Variants in TTC24 observed in about 807,000 individuals in gnomAD.
The protein encoded by TTC24 is tetratricopeptide repeat domain 24.
A neutral mutation model predicts 63.3 loss-of-function variants in TTC24; 54 were observed. That is an observed-to-expected ratio of 0.85 (90% confidence interval 0.69 to 1.07). The LOEUF (loss-of-function observed/expected upper bound fraction) is 1.07, where lower values mean the gene tolerates loss of function less well. TTC24 is among the 50% of genes least tolerant of loss of function. The pLI is 0.00. For missense variants in TTC24, 680 were observed against 730.5 expected (o/e 0.93, Z 0.80); for synonymous variants, 276 against 304.3 (o/e 0.91, Z 0.97).
At chr1:156,585,863 G>A (rs778005851) in intron 9 of TTC24, 37 bp downstream of exon 9, 47 of 1,594,910 alleles carry the variant, frequency 2.9e-5, no homozygotes, top group Non-Finnish European at 1.5e-5. Flanking sequence ...CCCAACTCGT[G>A]GTTCTTCTCT....
At chr1:156,582,987 C>T in intron 3 of TTC24, 55 bp from the exon 4 acceptor site, 1 of 1,565,930 alleles carries the variant, frequency 6.4e-7, no homozygotes. Context: ...GGGTGGGGTC[C>T]TGATGTCCCA....
intron 10 of TTC24, 37 bp downstream of exon 10, chr1:156,586,082 A>G: frequency 7.2e-7 from 1 of 1,380,488 alleles, no homozygotes; most frequent in Admixed American, 2.0e-5. Context: ...CCTGGAGAAT[A>G]GCAAAAAAAG....
chr1:156,586,203 C>T (rs954359017), intron 10 of TTC24, among the ~76,000 whole-genome samples, 158 bp downstream of exon 10: 2 of 152,174 alleles, frequency 1.3e-5, no homozygotes, highest in Non-Finnish European at 2.9e-5. Flanking sequence ...TTTGTCTTTG[C>T]CCTTTAGCAA....
rs1166131636 is a variant in TTC24, at chr1:156,582,304, G to A, written c.780G>A (p.Leu260=). The A allele has an allele frequency of 2.5e-6, 4 of 1,583,782 alleles. No individual in the cohort carries two copies. The East Asian group carries it at 7.0e-5, about 28-fold the overall frequency. ...TCCCGCTGGCCGTGGAGGCCTTCCT[G>A]CAGGCCCTGCCCCTGTGCTGGGTGC... ...QLFPLAVEAF[L]QALPLCWVPG... is the part of the protein sequence containing the mutation. Residue 260 remains leucine, a synonymous_variant, in exon 3 of 11, where the codon CTG becomes CTA. Transcript: ENST00000368236.
In TTC24 at chr1:156,583,439, G is replaced by A. The variant is rs755886846; in HGVS notation, c.1141G>A (p.Ala381Thr). ...CTTGAAGTACTATAAGGAAGCACTGGCCCAGTGTCAGGTGAGACCCCGCAC... is the reference window on the plus strand; with the variant it reads ...CTTGAAGTACTATAAGGAAGCACTGACCCAGTGTCAGGTGAGACCCCGCAC... The part of the protein sequence containing the change: ...QALKYYKEAL[A>T]QCQKEPDSVR... The change falls in exon 5 of 11, where the codon GCC becomes ACC. Residue 381 changes from alanine (A) to threonine (T), a missense_variant. Coordinates refer to ENST00000368236, the MANE Select transcript of TTC24 (RefSeq NM_001105669.4). The surrounding 1 kb of genome is among the most constrained non-coding windows in gnomAD (Gnocchi z 4.0). 8.1e-6 allele frequency: 13 copies of A among 1,601,306 alleles called. No homozygotes were observed. The East Asian group carries it at 1.6e-4, about 19-fold the overall frequency.
chr1:156,583,325 C>T lies in TTC24; in HGVS notation c.1040-13C>T, dbSNP rs1212843205. 1 of 1,612,244 alleles carries T rather than the reference C, an allele frequency of 6.2e-7. No individual in the cohort carries two copies. The highest frequency in any genetic ancestry group is 8.5e-7 in the Non-Finnish European group (1 of 1,179,140). Reference sequence around the variant, plus strand: ...AAGTCATGAAAGGACCTTCCAGGCTCTCTTTCTCTCAGGGGACATGAAGGG... The same window carrying T: ...AAGTCATGAAAGGACCTTCCAGGCTTTCTTTCTCTCAGGGGACATGAAGGG... On this transcript the variant is annotated splice_polypyrimidine_tract_variant and intron_variant, in intron 4 of 10. Transcript: ENST00000368236. The surrounding 1 kb of genome is among the most constrained non-coding windows in gnomAD (Gnocchi z 4.0).
chr1:156,582,068 T>C lies in TTC24; in HGVS notation c.704T>C (p.Leu235Pro). 1 of 1,465,616 alleles carries C rather than the reference T, an allele frequency of 6.8e-7. No homozygotes were observed. The highest frequency in any genetic ancestry group is 9.0e-7 in the Non-Finnish European group (1 of 1,107,682). 90.8% of individuals were successfully genotyped at this position (1,465,616 alleles called of 1,614,324 possible). A position where few individuals can be genotyped will look rare whatever the true frequency, so the allele number is the denominator to read the frequency against. ...LAERSTERRL[L>P]GHLYNDLGLG... ...GAGAGGAGCACTGAGAGGCGACTGC[T>C]GGGTGAGACCTTCGGGCAGGGAAGG... is the stretch of plus-strand genomic sequence containing the variant. The change falls in exon 2 of 11, where the codon CTG becomes CCG. Residue 235 changes from leucine (L) to proline (P), a missense_variant and splice_region_variant. By Grantham distance (98) the Leu-to-Pro change is moderately conservative (BLOSUM62 -3). Coordinates refer to ENST00000368236, the MANE Select transcript of TTC24 (RefSeq NM_001105669.4).
Position 156,582,453 on chromosome 1 carries a change from G to T in TTC24, c.910+19G>T, listed in dbSNP as rs777624863. 6.2e-7 allele frequency: 1 copy of T among 1,611,192 alleles called. No homozygotes were observed. The highest frequency in any genetic ancestry group is 1.7e-5 in the Admixed American group (1 of 59,972). ...CTACACGGTGGGTGCCTGGGGCCGG[G>T]GAATGGGACTGGGACTAAGACACTA... On this transcript the variant is annotated intron_variant, in intron 3 of 10. Coordinates refer to ENST00000368236, the MANE Select transcript of TTC24 (RefSeq NM_001105669.4).
rs116635947 is a variant in TTC24, at chr1:156,583,235, G to A, written c.1039+65G>A. 3,203 of 1,609,618 alleles carry A rather than the reference G, an allele frequency of 2.0e-3. 50 individuals carry two copies. In the African/African-American group the frequency reaches 0.036, roughly 18 times the overall value. ...GAGGCTGAGGGTCCTAGGGGCTGGC[G>A]GGGAGGCAGATGGGGGGAACTGAGG... On this transcript the variant is annotated intron_variant, in intron 4 of 10. Transcript: ENST00000368236. This position sits in a 1 kb window ranked among gnomAD's most constrained non-coding sequence, Gnocchi z 4.0.
At chr1:156,584,676 G>C (rs1383210781) in intron 6 of TTC24, 2 of 427,280 alleles carry the variant, frequency 4.7e-6, no homozygotes, top group African/African-American at 4.1e-5. Context: ...AGGTCTGCTA[G>C]TCCCTAAATC....
chr1:156,580,086 G>C (rs1676952883), intron 1 of TTC24, among the ~76,000 whole-genome samples: 1 of 152,128 alleles, frequency 6.6e-6, no homozygotes, highest in Non-Finnish European at 1.5e-5. Flanking sequence ...TCAGGTTTAA[G>C]AGGGCTCTGG....
At position 156,582,315 on chromosome 1, in the gene TTC24, C is replaced by A; in HGVS notation, c.791C>A (p.Pro264His). ...LAVEAFLQALPLCWVPGEQAT... is the reference protein window; with the variant it reads ...LAVEAFLQALHLCWVPGEQAT... ...GTGGAGGCCTTCCTGCAGGCCCTGC[C>A]CCTGTGCTGGGTGCCAGGAGAGCAG... The change falls in exon 3 of 11, where the codon CCC (proline) becomes CAC (histidine). Residue 264 changes from proline (P) to histidine (H), a missense_variant. Transcript: ENST00000368236. The A allele has an allele frequency of 6.3e-7, 1 of 1,596,048 alleles. No individual in the cohort carries two copies.
chr1:156,586,431 G>A, intron 10 of TTC24, 38 bp from the exon 11 acceptor site: 1 of 1,567,996 alleles, frequency 6.4e-7, no homozygotes, highest in Non-Finnish European at 8.6e-7. Context: ...TGTCTCCCCA[G>A]TCACCCCCAC....
Position 156,585,033 on chromosome 1 carries a change from G to A in TTC24, c.1349+59G>A, listed in dbSNP as rs1424252319. 7 of 1,537,052 alleles carry A rather than the reference G, an allele frequency of 4.6e-6. No homozygotes were observed. The Admixed American group carries it at 9.7e-5, about 21-fold the overall frequency. ...CGCCCTCTGCAGGGTGTTGGGGGCT[G>A]TCGCAGTGGGGTAGGACCCCATGTG... On this transcript the variant is annotated intron_variant, in intron 7 of 10. Transcript: ENST00000368236.
Position 156,585,236 on chromosome 1 carries a change from G to T in TTC24, c.1456+5G>T. 1 of 1,607,106 alleles carries T rather than the reference G, an allele frequency of 6.2e-7. No individual in the cohort carries two copies. The highest frequency in any genetic ancestry group is 8.5e-7 in the Non-Finnish European group (1 of 1,176,436). On this transcript the variant is annotated splice_donor_5th_base_variant and intron_variant, in intron 8 of 10. Coordinates refer to ENST00000368236, the MANE Select transcript of TTC24 (RefSeq NM_001105669.4). ...CTGGGCCGGGAAGACCAGAGCGTGA[G>T]TTGATGTAGAGTATTCCTGGCGGTG...
In TTC24 at chr1:156,583,380, C is replaced by A; in HGVS notation, c.1082C>A (p.Ala361Asp). Residue 361 changes from alanine to aspartate, a missense_variant, in exon 5 of 11, where the codon GCT becomes GAT. Transcript: ENST00000368236. The surrounding 1 kb of genome is among the most constrained non-coding windows in gnomAD (Gnocchi z 4.0). ...GQWQACEGLG[A>D]AAARLGQYDQ... ...TGGCAGGCCTGTGAGGGTCTGGGGG[C>A]TGCTGCAGCCAGGCTGGGGCAGTAT... 6.2e-7 allele frequency: 1 copy of A among 1,612,056 alleles called. No homozygotes were observed. Among genetic ancestry groups the A allele is most frequent in the Non-Finnish European group, 8.5e-7 (1 of 1,179,236 alleles).
intron 10 of TTC24, 30 bp from the exon 11 acceptor site, chr1:156,586,439 C>A (rs1313271487): frequency 2.5e-6 from 4 of 1,594,852 alleles, no homozygotes; most frequent in Non-Finnish European, 3.4e-6. Context: ...CAGTCACCCC[C>A]ACTGGCAAGC....
At position 156,581,966 on chromosome 1, in the gene TTC24, C is replaced by A; in HGVS notation, c.602C>A (p.Ala201Glu). Residue 201 changes from alanine to glutamate, a missense_variant, in exon 2 of 11, where the codon GCA becomes GAA. Transcript: ENST00000368236. ...GCAGCCCTGGCACTGGGGGCTGCGG[C>A]AGGATGTATGCTGAAGAGTGGGCGG... ...RAAALALGAAAGCMLKSGRHR... is the reference protein window; with the variant it reads ...RAAALALGAAEGCMLKSGRHR... The A allele has an allele frequency of 6.5e-7, 1 of 1,534,590 alleles. No individual in the cohort carries two copies. Among genetic ancestry groups the A allele is most frequent in the South Asian group, 1.2e-5 (1 of 81,788 alleles).
rs1464413182 is a variant in TTC24, at chr1:156,581,747, A to C, written c.383A>C (p.His128Pro). The change falls in exon 2 of 11, where the codon CAT becomes CCT. Residue 128 changes from histidine to proline, a missense_variant. By Grantham distance (77) the His-to-Pro change is moderately conservative. Coordinates refer to ENST00000368236, the MANE Select transcript of TTC24 (RefSeq NM_001105669.4). The stretch of plus-strand genomic sequence containing the variant: ...TGTTTCAATGTGGCTTTGGCCTACC[A>C]TGCCCTCGGCGAGCTGCCTCAAGCT... ...DQCFNVALAY[H>P]ALGELPQALA... The C allele has an allele frequency of 6.4e-7, 1 of 1,551,634 alleles. No homozygotes were observed. Among genetic ancestry groups the C allele is most frequent in the African/African-American group, 1.4e-5 (1 of 73,070 alleles).
Sources: allele counts gnomAD v4.1 joint callset (sites outside exome capture counted in the v4.1 genomes callset), GRCh38; gene constraint gnomAD v4.1.1; non-coding constraint Gnocchi (gnomAD v3.1); transcripts MANE v1.5; gene names NCBI Gene and HGNC (gene_info 2026-07-23, HGNC 2026-07-21).